MAGI2: variants seen among roughly 807,000 people sequenced by gnomAD.
MAGI2 encodes membrane-associated guanylate kinase, WW and PDZ domain-containing protein 2.
Under a neutral mutation model 133.3 loss-of-function variants are expected in MAGI2, and 35 were observed. That is an observed-to-expected ratio of 0.26 (90% CI 0.20 to 0.35). MAGI2 has a LOEUF of 0.35. Among genes scored for constraint, MAGI2 ranks in the 10% least tolerant of loss-of-function variants. The probability of loss-of-function intolerance (pLI) is 1.00; values close to 1 mark genes in which losing one functional copy is unlikely to be tolerated. For missense variants in MAGI2, 1,636 were observed against 1,863.4 expected, an observed-to-expected ratio of 0.88 and a Z score of 2.25; for synonymous variants, 729 against 710.6, an observed-to-expected ratio of 1.03 and a Z score of -0.41.
At chr7:78,836,051 C>T (rs1791591460) in intron 2 of MAGI2, among the ~76,000 whole-genome samples, 1 of 152,094 alleles carries the variant, frequency 6.6e-6, no homozygotes, top group South Asian at 2.1e-4. Flanking sequence ...ATGGGTATTC[C>T]CGTAGAATTT....
At chr7:79,049,568 C>T (rs1357416014) in intron 1 of MAGI2, among the ~76,000 whole-genome samples, 2 of 152,046 alleles carry the variant, frequency 1.3e-5, no homozygotes, top group East Asian at 1.9e-4. Context: ...TGCCAACATA[C>T]ATCTGTATCT....
At chr7:79,293,966 T>C (rs1425266522) in intron 1 of MAGI2, among the ~76,000 whole-genome samples, 1 of 152,140 alleles carries the variant, frequency 6.6e-6, no homozygotes, top group Non-Finnish European at 1.5e-5. Context: ...GTGAATCACT[T>C]GAAGCCAGCA....
At position 78,962,790 on chromosome 7, in the gene MAGI2, A is replaced by G. The variant is rs555620701; in HGVS notation, c.418+44300T>C. ...TTATAGACTTACAGAGAAAAAATTTAAGTGAAGAATCATTGGTATGTGATC... is the reference window on the plus strand; with the variant it reads ...TTATAGACTTACAGAGAAAAAATTTGAGTGAAGAATCATTGGTATGTGATC... On this transcript the variant is annotated intron_variant, in intron 2 of 21. Coordinates refer to ENST00000354212, the MANE Select transcript of MAGI2 (RefSeq NM_012301.4). Among the ~76,000 whole-genome samples, 140 of 152,060 alleles carry G rather than the reference A, an allele frequency of 9.2e-4. 3 individuals carry two copies. The South Asian group carries it at 0.028, about 30-fold the overall frequency.
At chr7:78,903,114 T>C (rs1451969775) in intron 2 of MAGI2, among the ~76,000 whole-genome samples, 1 of 147,354 alleles carries the variant, frequency 6.8e-6, no homozygotes, top group Non-Finnish European at 1.5e-5. Flanking sequence ...CATATGAACA[T>C]GTGAACACAT....
At chr7:79,002,860 A>AGTGTGTGTGTGTGT (rs4021172) in intron 2 of MAGI2, among the ~76,000 whole-genome samples, 2 of 133,638 alleles carry the variant, frequency 1.5e-5, no homozygotes, top group African/African-American at 5.5e-5. Flanking sequence ...TTTATTGAAA[A>AGTGTGTGTGTGTGT]GTGTGTGTGT....
intron 10 of MAGI2, among the ~76,000 whole-genome samples, chr7:78,225,759 C>G (rs1789311375): frequency 6.6e-6 from 1 of 152,206 alleles, no homozygotes; most frequent in African/African-American, 2.4e-5. Context: ...CCAGTCCAGA[C>G]AGCATTCTGC....
intron 1 of MAGI2, among the ~76,000 whole-genome samples, chr7:79,326,196 GAACA>G (rs1839681150): frequency 6.4e-4 from 1 of 1,564 alleles, no homozygotes; most frequent in Non-Finnish European, 0.011. Context: ...AGACCAGAAA[GAACA>G]AAGAACAAAA....
rs1839474058 is a variant in MAGI2 at position 79,324,560 on chromosome 7, CATATAACCATAT to C, written c.301+128448_301+128459del. Reference sequence around the variant, plus strand: ...ATAACCATATATATACATATATACACATATAACCATATATATACACCATATATATATAACAAT... The same window carrying C: ...ATAACCATATATATACATATATACACATATACACCATATATATATAACAAT... On this transcript the variant is annotated intron_variant, in intron 1 of 21. Transcript: ENST00000354212. Among the ~76,000 whole-genome samples, 2 of 28,522 alleles carry C rather than the reference CATATAACCATAT, an allele frequency of 7.0e-5. 1 individual carries two copies. The highest frequency in any genetic ancestry group is 1.6e-4 in the Non-Finnish European group (2 of 12,840). The allele number at this position is 28,522 out of a possible 152,430, so 18.7% of individuals were successfully genotyped here.
intron 9 of MAGI2, among the ~76,000 whole-genome samples, chr7:78,269,333 T>C (rs1290742509): frequency 6.6e-6 from 1 of 152,224 alleles, no homozygotes; most frequent in Non-Finnish European, 1.5e-5. Flanking sequence ...ATGGTATTTC[T>C]AGTTCTAGAT....
At position 78,037,254 on chromosome 7, in the gene MAGI2, A is replaced by C. The variant is rs895747700; in HGVS notation, c.3707-17278T>G. ...GGGGTGGAGTGGTGGAGGGCCTATG[A>C]TGTCCTTAGCTCCAGCTGCAAGCTC... On this transcript the variant is annotated intron_variant, in intron 21 of 21. Transcript: ENST00000354212. Among the ~76,000 whole-genome samples the C allele has an allele frequency of 2.0e-5, 3 of 152,102 alleles. No homozygotes were observed. In the East Asian group the frequency reaches 5.8e-4, roughly 29 times the overall value.
At chr7:78,484,452 T>C (rs1341755875) in intron 6 of MAGI2, 5 of 152,022 alleles carry the variant, frequency 3.3e-5, no homozygotes, top group Admixed American at 2.0e-4. Flanking sequence ...AAAACTCACT[T>C]AAAATTCATA....
At chr7:79,254,818 A>G (rs1833571248) in intron 1 of MAGI2, among the ~76,000 whole-genome samples, 1 of 152,224 alleles carries the variant, frequency 6.6e-6, no homozygotes, top group Admixed American at 6.5e-5. Context: ...TAGAAAGTAA[A>G]TGCTTGAAGA....
intron 2 of MAGI2, among the ~76,000 whole-genome samples, chr7:78,798,171 C>T (rs1457117932): frequency 6.6e-6 from 1 of 152,140 alleles, no homozygotes; most frequent in Non-Finnish European, 1.5e-5. Flanking sequence ...ACGCAGGCTG[C>T]ATTCTGGATT....
rs914855912 is a variant in MAGI2, at chr7:78,178,022, G to T, written c.2392C>A (p.Pro798Thr). The change falls in exon 14 of 22, where the codon CCT becomes ACT. Residue 798 changes from proline (P) to threonine (T), a missense_variant. Pro to Thr is a conservative substitution (Grantham distance 38, BLOSUM62 -1). Around this residue, in one of 5 missense-constraint regions of MAGI2, gnomAD observed 920 missense variants for 1,093.5 expected, o/e 0.84. Transcript: ENST00000354212. ...FGFRILGGDE[P>T]GQPILIGAVI... ...AAGATTCAACTTACAGGCTGTCCAG[G>T]CTCATCTCCCCCGAGGATTCTGAAG... The T allele has an allele frequency of 4.3e-6, 7 of 1,611,178 alleles. No homozygotes were observed. Among genetic ancestry groups the T allele is most frequent in the Non-Finnish European group, 3.4e-6 (4 of 1,177,686 alleles).
At chr7:78,782,380 A>G (rs1310691959) in intron 2 of MAGI2, among the ~76,000 whole-genome samples, 2 of 152,122 alleles carry the variant, frequency 1.3e-5, no homozygotes, top group Non-Finnish European at 1.5e-5. Flanking sequence ...GTAGGCCGAG[A>G]GTCAGTGCGG....
chr7:78,438,403 CT>C (rs201848067), intron 6 of MAGI2, among the ~76,000 whole-genome samples: 1,665 of 152,226 alleles, frequency 0.011, 23 homozygotes, highest in African/African-American at 0.037. Context: ...CCAAATCAGC[CT>C]CTAGAACTTT....
At chr7:78,218,402 T>G (rs1032777593) in intron 10 of MAGI2, among the ~76,000 whole-genome samples, 5 of 152,250 alleles carry the variant, frequency 3.3e-5, no homozygotes, top group Admixed American at 1.3e-4. Flanking sequence ...ACTTCTAAAC[T>G]AAATAACACC....
intron 3 of MAGI2, among the ~76,000 whole-genome samples, chr7:78,613,063 C>T (rs1047526201): frequency 6.6e-6 from 1 of 152,146 alleles, no homozygotes; most frequent in African/African-American, 2.4e-5. Context: ...GTTTTATTCA[C>T]ACAAACTTCA....
chr7:79,260,156 C>A (rs930393299), intron 1 of MAGI2, among the ~76,000 whole-genome samples: 5 of 152,154 alleles, frequency 3.3e-5, no homozygotes, highest in Non-Finnish European at 7.3e-5. Flanking sequence ...GAGTTTGATA[C>A]CAGCCTGGGC....
Sources: allele counts gnomAD v4.1 joint callset (sites outside exome capture counted in the v4.1 genomes callset), GRCh38; gene constraint gnomAD v4.1.1; regional missense constraint gnomAD v4.1.1; transcripts MANE v1.5; gene names NCBI Gene and HGNC (gene_info 2026-07-23, HGNC 2026-07-21).